Variants in GAB2 observed in about 807,000 individuals in gnomAD.
The protein encoded by GAB2 is GRB2-associated-binding protein 2.
GAB2 carries 26 observed loss-of-function variants against 65.5 expected under a neutral mutation model. The observed-to-expected ratio is 0.40, with a 90% CI of 0.29 to 0.55. The LOEUF (loss-of-function observed/expected upper bound fraction) is 0.55. GAB2 is among the 20% of genes least tolerant of loss of function. GAB2 has a pLI of 0.53. For missense variants in GAB2, 884 were observed against 875.8 expected, an observed-to-expected ratio of 1.01 and a Z score of -0.12; for synonymous variants, 321 against 329.6, an observed-to-expected ratio of 0.97 and a Z score of 0.28.
At chr11:78,270,396 C>A (rs1016536804) in intron 2 of GAB2, among the ~76,000 whole-genome samples, 1 of 152,018 alleles carries the variant, frequency 6.6e-6, no homozygotes, top group South Asian at 2.1e-4. Context: ...TCCTCCTCTT[C>A]CTTCTTGCTG....
chr11:78,390,415 G>A (rs528063139), intron 1 of GAB2, among the ~76,000 whole-genome samples: 71 of 152,198 alleles, frequency 4.7e-4, no homozygotes, highest in Non-Finnish European at 3.2e-4. Context: ...GTGAGATCCC[G>A]TATCTACAAA....
chr11:78,304,248 T>C (rs1381344989), intron 1 of GAB2, among the ~76,000 whole-genome samples: 1 of 152,192 alleles, frequency 6.6e-6, no homozygotes, highest in African/African-American at 2.4e-5. Context: ...CTTTCAAGTA[T>C]ACAATTTAGG....
intron 8 of GAB2, among the ~76,000 whole-genome samples, chr11:78,221,220 GGT>G (rs1163745036): frequency 2.0e-5 from 3 of 152,232 alleles, no homozygotes; most frequent in Non-Finnish European, 4.4e-5. Context: ...GTGACTACCA[GGT>G]GCTGGGCAGT....
At chr11:78,416,916 T>G (rs1857204362) in intron 1 of GAB2, among the ~76,000 whole-genome samples, 1 of 151,884 alleles carries the variant, frequency 6.6e-6, no homozygotes, top group African/African-American at 2.4e-5. Flanking sequence ...TGGCAACACC[T>G]GGCCGCGGAG....
chr11:78,332,181 T>A (rs369437423), intron 1 of GAB2, among the ~76,000 whole-genome samples: 1 of 152,300 alleles, frequency 6.6e-6, no homozygotes, highest in East Asian at 1.9e-4. Context: ...AATGGGCAGA[T>A]TATGTCCAAG....
At chr11:78,230,246 C>T (rs528489409) in intron 3 of GAB2, among the ~76,000 whole-genome samples, 1 of 152,204 alleles carries the variant, frequency 6.6e-6, no homozygotes, top group African/African-American at 2.4e-5. Context: ...TCTGTAGAAC[C>T]CACTAGCTTA....
intron 1 of GAB2, among the ~76,000 whole-genome samples, chr11:78,352,340 A>T (rs1856291259): frequency 6.6e-6 from 1 of 152,148 alleles, no homozygotes; most frequent in African/African-American, 2.4e-5. Context: ...ATCTCATACC[A>T]CGTCATCCCC....
At chr11:78,414,636 C>G (rs1025270991) in intron 1 of GAB2, among the ~76,000 whole-genome samples, 1 of 152,150 alleles carries the variant, frequency 6.6e-6, no homozygotes, top group African/African-American at 2.4e-5. Flanking sequence ...TGCCGGCCTC[C>G]CACTGCAGCC....
intron 1 of GAB2, among the ~76,000 whole-genome samples, chr11:78,313,352 A>G (rs76695355): frequency 0.053 from 8,062 of 152,136 alleles, 694 homozygotes; most frequent in African/African-American, 0.18. Flanking sequence ...CATGTCAAGC[A>G]CCTCATATGA....
At chr11:78,229,724 C>A (rs571914240) in intron 3 of GAB2, among the ~76,000 whole-genome samples, 1 of 152,352 alleles carries the variant, frequency 6.6e-6, no homozygotes, top group African/African-American at 2.4e-5. Flanking sequence ...TCTCACCAAT[C>A]TTTTCTCTTT....
chr11:78,227,314 T>C (rs1864700500), intron 3 of GAB2, among the ~76,000 whole-genome samples: 1 of 152,194 alleles, frequency 6.6e-6, no homozygotes, highest in Non-Finnish European at 1.5e-5. Flanking sequence ...GCCAGATGGA[T>C]TGCCTATTTG....
chr11:78,360,053 AAG>A (rs1856412710), intron 1 of GAB2, among the ~76,000 whole-genome samples: 1 of 152,178 alleles, frequency 6.6e-6, no homozygotes. Flanking sequence ...AGAGAGGAGG[AAG>A]AGACAGTGTG....
At chr11:78,407,626 TC>T (rs1385180809) in intron 1 of GAB2, among the ~76,000 whole-genome samples, 19 of 99,786 alleles carry the variant, frequency 1.9e-4, no homozygotes, top group Admixed American at 3.4e-4. Flanking sequence ...AGAGTGAAAC[TC>T]CTTCTCAAAG....
intron 1 of GAB2, among the ~76,000 whole-genome samples, chr11:78,317,578 A>AAAAAAAAC (rs1855635673): frequency 6.6e-6 from 1 of 151,804 alleles, no homozygotes. Context: ...AAAAAAAAAA[A>AAAAAAAAC]AAAGATGATT....
intron 1 of GAB2, among the ~76,000 whole-genome samples, chr11:78,386,474 G>T (rs1236703439): frequency 6.6e-6 from 1 of 152,212 alleles, no homozygotes; most frequent in Admixed American, 6.5e-5. Flanking sequence ...TTTCTTTGTA[G>T]AAAGTACACA....
intron 3 of GAB2, among the ~76,000 whole-genome samples, chr11:78,247,547 G>A (rs1865331675): frequency 6.6e-6 from 1 of 152,094 alleles, no homozygotes; most frequent in Admixed American, 6.6e-5. Flanking sequence ...TTCTTCATAT[G>A]TCTGGCATTT....
chr11:78,276,370 C>T (rs1473042857), intron 2 of GAB2, among the ~76,000 whole-genome samples: 1 of 152,082 alleles, frequency 6.6e-6, no homozygotes, highest in African/African-American at 2.4e-5. Flanking sequence ...CTTAGCCTCC[C>T]AAATAGCTTG....
intron 2 of GAB2, among the ~76,000 whole-genome samples, chr11:78,266,960 G>A (rs1392170662): frequency 6.6e-6 from 1 of 152,232 alleles, no homozygotes; most frequent in Non-Finnish European, 1.5e-5. Context: ...GAAGAAGCAT[G>A]TTCTGGGAAA....
At chr11:78,339,220 C>T (rs537772846) in intron 1 of GAB2, among the ~76,000 whole-genome samples, 1 of 152,312 alleles carries the variant, frequency 6.6e-6, no homozygotes, top group South Asian at 2.1e-4. Flanking sequence ...GCCACTGTGA[C>T]AGGCCCTGAT....
Sources: gnomAD v4.1 joint callset for allele counts (sites outside exome capture counted in the v4.1 genomes callset) on GRCh38, gnomAD v4.1.1 for gene constraint, MANE v1.5 for transcripts, NCBI Gene and HGNC (gene_info 2026-07-23, HGNC 2026-07-21) for gene names.